BCL7B: variants seen among roughly 807,000 people sequenced by gnomAD.
BCL7B encodes B-cell CLL/lymphoma 7 protein family member B.
BCL7B carries 11 observed loss-of-function variants against 26.5 expected under a neutral mutation model. The ratio of observed to expected loss-of-function variants is 0.42; its 90% CI spans 0.26 to 0.69. BCL7B has a LOEUF of 0.69. Among genes scored for constraint, BCL7B ranks in the 30% least tolerant of loss-of-function variants. The pLI is 0.28. For synonymous variants in BCL7B, 111 were observed against 107.9 expected, an observed-to-expected ratio of 1.03 and a Z score of -0.18; for missense variants, 215 against 264.4, an observed-to-expected ratio of 0.81 and a Z score of 1.30.
At position 73,557,632 on chromosome 7, in the gene BCL7B, CG is replaced by C; in HGVS notation, c.-55del. ...GCACTGCTCCCAAGACACCGGGGAT[CG>C]CGCGCCTCACGCGCCGCCGCCCGCC... On this transcript the variant is annotated 5_prime_UTR_variant, in exon 1 of 6. Coordinates refer to ENST00000223368, the MANE Select transcript of BCL7B (RefSeq NM_001707.4). The C allele has an allele frequency of 2.7e-6, 3 of 1,091,064 alleles. No individual in the cohort carries two copies. Among genetic ancestry groups the C allele is most frequent in the Non-Finnish European group, 3.4e-6 (3 of 875,312 alleles). The allele number at this position is 1,091,064 out of a possible 1,614,324, so 67.6% of individuals were successfully genotyped here. A position where few individuals can be genotyped will look rare whatever the true frequency, so the allele number is the denominator to read the frequency against.
intron 3 of BCL7B, among the ~76,000 whole-genome samples, chr7:73,542,227 A>G (rs1173426192): frequency 1.3e-5 from 2 of 152,230 alleles, no homozygotes; most frequent in African/African-American, 4.8e-5. Context: ...ACTAAATGAA[A>G]AGGAGGAGAT....
intron 2 of BCL7B, among the ~76,000 whole-genome samples, chr7:73,550,265 G>C (rs959809387): frequency 2.6e-5 from 4 of 152,092 alleles, no homozygotes; most frequent in Non-Finnish European, 5.9e-5. Flanking sequence ...ACAAGGTTGG[G>C]CCAGGCACGG....
intron 2 of BCL7B, among the ~76,000 whole-genome samples, chr7:73,548,096 A>C (rs112088341): frequency 9.2e-5 from 14 of 151,968 alleles, no homozygotes; most frequent in African/African-American, 3.4e-4. Context: ...CCAGCCTCAG[A>C]GTGACACCCT....
intron 2 of BCL7B, among the ~76,000 whole-genome samples, chr7:73,549,812 A>G (rs1177514999): frequency 1.3e-5 from 2 of 152,232 alleles, no homozygotes; most frequent in African/African-American, 4.8e-5. Flanking sequence ...CTTCGGTGAC[A>G]TAGTGAGATT....
In BCL7B at chr7:73,540,070, CA is replaced by C; in HGVS notation, c.266-19del. 6.2e-7 allele frequency: 1 copy of C among 1,610,130 alleles called. No homozygotes were observed. Among genetic ancestry groups the C allele is most frequent in the Non-Finnish European group, 8.5e-7 (1 of 1,178,372 alleles). On this transcript the variant is annotated intron_variant, in intron 3 of 5. Coordinates refer to ENST00000223368, the MANE Select transcript of BCL7B (RefSeq NM_001707.4). Reference sequence around the variant, plus strand: ...GTTTTCGTCTGAAAACCAAACAGAACAAAGGCAGCAGCTGAGCGTGGTCATT... The same window carrying C: ...GTTTTCGTCTGAAAACCAAACAGAACAAGGCAGCAGCTGAGCGTGGTCATT...
intron 2 of BCL7B, 116 bp from the exon 3 acceptor site, chr7:73,543,760 G>T (rs935478713): frequency 2.6e-6 from 2 of 756,006 alleles, no homozygotes; most frequent in Non-Finnish European, 4.4e-6. Flanking sequence ...CAGGAAAAAC[G>T]ACAGCAGCGT....
chr7:73,542,500 A>G (rs1451261438), intron 3 of BCL7B, among the ~76,000 whole-genome samples: 8 of 152,192 alleles, frequency 5.3e-5, no homozygotes, highest in Non-Finnish European at 1.0e-4. Flanking sequence ...CAAATGAATA[A>G]AACTGTCACT....
rs144017861 is a variant in BCL7B, at chr7:73,543,627, C to T, written c.186G>A (p.Ser62=). 61 of 1,613,046 alleles carry T rather than the reference C, an allele frequency of 3.8e-5. No individual in the cohort carries two copies. The highest frequency in any genetic ancestry group is 1.0e-4 in the Admixed American group (6 of 59,848). ...TAGGTTCTCGGGCTGCTGAACTGTTCGATTTTGACTTTTCTTTCTAGAAAA... is the reference window on the plus strand; with the variant it reads ...TAGGTTCTCGGGCTGCTGAACTGTTTGATTTTGACTTTTCTTTCTAGAAAA... The part of the protein sequence containing the change: ...TDSKEKEKSK[S]NSSAAREPNG... Residue 62 remains serine (S), a synonymous_variant, in exon 3 of 6, where the codon TCG becomes TCA. Transcript: ENST00000223368.
intron 1 of BCL7B, chr7:73,557,171 G>C: frequency 7.8e-6 from 8 of 1,019,850 alleles, no homozygotes; most frequent in Non-Finnish European, 9.4e-6. Flanking sequence ...GGGAGGGCGG[G>C]CCCCGGGCTG....
intron 4 of BCL7B, chr7:73,539,613 T>A: frequency 4.9e-6 from 2 of 409,004 alleles, no homozygotes; most frequent in Non-Finnish European, 8.9e-6. Flanking sequence ...AGACAATAGC[T>A]GCCACCTCAC....
intron 1 of BCL7B, among the ~76,000 whole-genome samples, chr7:73,555,537 T>A (rs1056863507): frequency 8.5e-5 from 13 of 152,194 alleles, no homozygotes; most frequent in African/African-American, 2.6e-4. Context: ...TGAGCTGAGC[T>A]AGGAGTTAAC....
At chr7:73,541,154 AAAAATT>A (rs1167355112) in intron 3 of BCL7B, among the ~76,000 whole-genome samples, 3 of 152,172 alleles carry the variant, frequency 2.0e-5, no homozygotes, top group Non-Finnish European at 2.9e-5. Flanking sequence ...CTCAAAAAAT[AAAAATT>A]AAAATTAAAA....
chr7:73,549,568 G>A (rs1327706151), intron 2 of BCL7B, among the ~76,000 whole-genome samples: 1 of 152,176 alleles, frequency 6.6e-6, no homozygotes, highest in African/African-American at 2.4e-5. Context: ...CACCACTTTG[G>A]GAGGCCGAGG....
intron 2 of BCL7B, among the ~76,000 whole-genome samples, chr7:73,550,071 CTGTA>C (rs1554583939): frequency 6.6e-6 from 1 of 152,020 alleles, no homozygotes; most frequent in African/African-American, 2.4e-5. Flanking sequence ...ATATACTTCT[CTGTA>C]TGTGTTTTAT....
rs1482715047 is a variant in BCL7B, at chr7:73,540,031, G to A, written c.287C>T (p.Ser96Phe). The A allele has an allele frequency of 6.2e-7, 1 of 1,613,830 alleles. No homozygotes were observed. The highest frequency in any genetic ancestry group is 1.3e-5 in the African/African-American group (1 of 74,894). The change falls in exon 4 of 6, where the codon TCC becomes TTC. Residue 96 changes from serine to phenylalanine, a missense_variant. Coordinates refer to ENST00000223368, the MANE Select transcript of BCL7B (RefSeq NM_001707.4). The stretch of plus-strand genomic sequence containing the variant: ...CTTAAGCTGATAGACGTCAGACACG[G>A]AACTCTGGTTGCTGTTTTCGTCTGA... The part of the protein sequence containing the change: ...EFQDENSNQS[S>F]VSDVYQLKVD...
rs781826895 is a variant in BCL7B at position 73,539,944 on chromosome 7, T to G, written c.374A>C (p.His125Pro). 48 of 1,614,066 alleles carry G rather than the reference T, an allele frequency of 3.0e-5. No individual in the cohort carries two copies. Among genetic ancestry groups the G allele is most frequent in the Non-Finnish European group, 4.0e-5 (47 of 1,180,012 alleles). Residue 125 changes from histidine to proline, a missense_variant, in exon 4 of 6, where the codon CAC becomes CCC. By Grantham distance (77) the His-to-Pro change is moderately conservative. Transcript: ENST00000223368. ...PQQSESLSPA[H>P]TSDFRTDDSQ... ...GTCATCCGTGCGGAAGTCGGAGGTGTGTGCTGGGCTCAGGGACTCACTCTG... is the reference window on the plus strand; with the variant it reads ...GTCATCCGTGCGGAAGTCGGAGGTGGGTGCTGGGCTCAGGGACTCACTCTG...
chr7:73,539,341 TC>T (rs1791664444), intron 4 of BCL7B, among the ~76,000 whole-genome samples: 1 of 152,018 alleles, frequency 6.6e-6, no homozygotes, highest in African/African-American at 2.4e-5. Flanking sequence ...AACCTCTGCT[TC>T]TTGGGTTCAA....
At chr7:73,537,427 C>A (rs1554582273) in intron 5 of BCL7B, 37 bp from the exon 6 acceptor site, 2 of 1,547,816 alleles carry the variant, frequency 1.3e-6, no homozygotes, top group South Asian at 2.2e-5. Flanking sequence ...CAGGGCCACC[C>A]CTCCCAACCA....
intron 4 of BCL7B, 55 bp from the exon 5 acceptor site, chr7:73,538,068 G>T: frequency 8.2e-7 from 1 of 1,220,904 alleles, no homozygotes; most frequent in Non-Finnish European, 1.2e-6. Flanking sequence ...GCCTGGACCT[G>T]GGGGAGCTTC....
Sources: gnomAD v4.1 joint callset for allele counts (sites outside exome capture counted in the v4.1 genomes callset) on GRCh38, gnomAD v4.1.1 for gene constraint, MANE v1.5 for transcripts, NCBI Gene and HGNC (gene_info 2026-07-23, HGNC 2026-07-21) for gene names.